TENM3: variants seen among roughly 807,000 people sequenced by gnomAD.
TENM3 encodes the protein teneurin-3.
In TENM3, 63 loss-of-function variants were observed where a neutral mutation model predicts 255.1. The ratio of observed to expected loss-of-function variants is 0.25; its 90% CI spans 0.20 to 0.30. The LOEUF (loss-of-function observed/expected upper bound fraction) is 0.30. Ranked by LOEUF, TENM3 falls within the 10% of genes least tolerant of loss-of-function variation. The probability of loss-of-function intolerance (pLI) is 1.00; values close to 1 mark genes in which losing one functional copy is unlikely to be tolerated. For missense variants in TENM3, 2,929 were observed against 3,461.1 expected, an observed-to-expected ratio of 0.85 and a Z score of 3.86; for synonymous variants, 1,306 against 1,322.3, an observed-to-expected ratio of 0.99 and a Z score of 0.27.
the TENM3 span, among the ~76,000 whole-genome samples, chr4:182,021,018 T>G: frequency 1.3e-5 from 2 of 152,144 alleles, no homozygotes; most frequent in Non-Finnish European, 2.9e-5. Flanking sequence ...AATGCTGAGG[T>G]TGGGGCTTCT....
At chr4:182,155,556 G>C (rs1364822702) in intron 1 of TENM3, among the ~76,000 whole-genome samples, 3 of 151,992 alleles carry the variant, frequency 2.0e-5, no homozygotes, top group African/African-American at 7.2e-5. Context: ...ATTATTGAAG[G>C]CTTCATCAAG....
the TENM3 span, among the ~76,000 whole-genome samples, chr4:181,606,397 G>A: frequency 6.6e-6 from 1 of 152,126 alleles, no homozygotes; most frequent in African/African-American, 2.4e-5. Flanking sequence ...TCCAGCCCCA[G>A]GACCTCTGCA....
intron 1 of TENM3, among the ~76,000 whole-genome samples, chr4:182,266,061 T>A (rs1188873120): frequency 1.3e-5 from 2 of 152,220 alleles, no homozygotes; most frequent in African/African-American, 4.8e-5. Context: ...ACATGTGGAG[T>A]TAGCCACGCC....
chr4:182,314,952 C>T (rs1347467299), intron 1 of TENM3, among the ~76,000 whole-genome samples: 2 of 152,104 alleles, frequency 1.3e-5, no homozygotes, highest in Non-Finnish European at 2.9e-5. Flanking sequence ...ATTTGCTTTG[C>T]TGTTTCAGTG....
At chr4:182,075,171 A>G in the TENM3 span, among the ~76,000 whole-genome samples, 19 of 151,002 alleles carry the variant, frequency 1.3e-4, no homozygotes, top group African/African-American at 4.1e-4. Flanking sequence ...CTAGATTTGT[A>G]TGTAAAACAG....
At chr4:182,027,581 T>TG in the TENM3 span, among the ~76,000 whole-genome samples, 114 of 151,668 alleles carry the variant, frequency 7.5e-4, 1 homozygote, top group Middle Eastern at 0.014. Context: ...CTTTTTTTTT[T>TG]CTATTCAGTA....
the TENM3 span, among the ~76,000 whole-genome samples, chr4:181,831,961 T>TAC: frequency 7.0e-6 from 1 of 142,498 alleles, no homozygotes; most frequent in African/African-American, 2.6e-5. Context: ...AATATATATA[T>TAC]ATTACATTGT....
chr4:181,630,510 A>G, the TENM3 span, among the ~76,000 whole-genome samples: 3 of 152,164 alleles, frequency 2.0e-5, no homozygotes, highest in Non-Finnish European at 4.4e-5. Context: ...ACTGCTTTAA[A>G]TGTGTCCCAG....
At chr4:182,516,686 T>A (rs2151751413) in intron 3 of TENM3, among the ~76,000 whole-genome samples, 2 of 151,714 alleles carry the variant, frequency 1.3e-5, no homozygotes, top group East Asian at 3.9e-4. Flanking sequence ...AGGTCAGGAG[T>A]TCTAGACTAG....
At chr4:182,714,028 T>A in intron 12 of TENM3, 59 bp from the exon 13 acceptor site, 2 of 1,490,956 alleles carry the variant, frequency 1.3e-6, no homozygotes, top group South Asian at 2.3e-5. Context: ...TATCTGTTTA[T>A]TTTAGGTGCA....
intron 3 of TENM3, among the ~76,000 whole-genome samples, chr4:182,509,130 T>A (rs1457088127): frequency 1.3e-5 from 2 of 152,206 alleles, no homozygotes; most frequent in African/African-American, 4.8e-5. Flanking sequence ...GGATCCTTTG[T>A]GTTTTGGTGA....
At chr4:182,645,180 G>A (rs1752634743) in intron 5 of TENM3, among the ~76,000 whole-genome samples, 1 of 151,732 alleles carries the variant, frequency 6.6e-6, no homozygotes, top group Non-Finnish European at 1.5e-5. Context: ...GAGAAACCCA[G>A]AAAGCAAAAC....
the TENM3 span, among the ~76,000 whole-genome samples, chr4:181,684,918 C>A: frequency 2.2e-5 from 1 of 45,046 alleles, no homozygotes; most frequent in African/African-American, 8.5e-5. Context: ...CCGTGCCTGG[C>A]TTTTTTTTTT....
At chr4:182,772,536 T>G (rs900673653) in intron 22 of TENM3, 1 of 150,750 alleles carries the variant, frequency 6.6e-6, no homozygotes, top group African/African-American at 2.4e-5. Context: ...TCCTAATTTC[T>G]CATCCAGATT....
chr4:182,010,636 T>G, the TENM3 span, among the ~76,000 whole-genome samples: 1 of 152,306 alleles, frequency 6.6e-6, no homozygotes, highest in East Asian at 1.9e-4. Context: ...CTCCCTTATT[T>G]TCTGATACCT....
At chr4:181,541,611 C>T in the TENM3 span, among the ~76,000 whole-genome samples, 1 of 152,136 alleles carries the variant, frequency 6.6e-6, no homozygotes, top group South Asian at 2.1e-4. Context: ...TGCTACAGCA[C>T]AAGAGAGAAA....
At chr4:182,601,207 C>A (rs1165352800) in intron 4 of TENM3, 46 bp downstream of exon 4, 2 of 1,470,642 alleles carry the variant, frequency 1.4e-6, no homozygotes, top group Admixed American at 1.7e-5. Context: ...CCTTTTCTCA[C>A]CAGGAGCAAT....
the TENM3 span, among the ~76,000 whole-genome samples, chr4:182,025,020 A>ATTTTTTTTTTT: frequency 3.2e-3 from 391 of 121,064 alleles, 9 homozygotes; most frequent in African/African-American, 0.013. Context: ...ACAGGATTTC[A>ATTTTTTTTTTT]TTTTTTTTTT....
chr4:182,005,547 T>C, the TENM3 span, among the ~76,000 whole-genome samples: 4 of 152,248 alleles, frequency 2.6e-5, no homozygotes, highest in African/African-American at 9.6e-5. Context: ...GTCTTGGCTA[T>C]ACAGGTTCTT....
Sources: allele counts gnomAD v4.1 joint callset (sites outside exome capture counted in the v4.1 genomes callset), GRCh38; gene constraint gnomAD v4.1.1; transcripts MANE v1.5; gene names NCBI Gene and HGNC (gene_info 2026-07-23, HGNC 2026-07-21).